Variants in KCNN2 observed in about 807,000 individuals in gnomAD.
The protein encoded by KCNN2 is potassium calcium-activated channel subfamily N member 2.
A neutral mutation model predicts 55.5 loss-of-function variants in KCNN2; 24 were observed. The observed-to-expected ratio is 0.43, with a 90% CI of 0.31 to 0.61. KCNN2 has a LOEUF of 0.61. KCNN2 is among the 20% of genes least tolerant of loss of function. The pLI is 0.08. For missense variants in KCNN2, 754 were observed against 853.6 expected, an observed-to-expected ratio of 0.88 and a Z score of 1.45; for synonymous variants, 431 against 336.1, an observed-to-expected ratio of 1.28 and a Z score of -3.09.
Position 114,266,855 on chromosome 5 carries a change from G to A in KCNN2, c.-185+45290G>A, listed in dbSNP as rs750406284. 2.2e-4 allele frequency among the ~76,000 whole-genome samples: 33 copies of A among 152,100 alleles called. 1 individual carries two copies. Among genetic ancestry groups the A allele is most frequent in the Admixed American group, 2.0e-3 (30 of 15,278 alleles). ...CACCAGCATCTCCTTGTAAAGTTTT[G>A]CAGTTTTTCCTAAGATGTCTTATAT... On this transcript the variant is annotated intron_variant, in intron 2 of 10. Transcript: ENST00000512097.
intron 3 of KCNN2, among the ~76,000 whole-genome samples, chr5:114,427,345 G>A (rs987856509): frequency 7.2e-5 from 11 of 152,224 alleles, no homozygotes; most frequent in African/African-American, 2.4e-4. Context: ...GAAGACAAGG[G>A]AGGAACATTC....
chr5:114,488,283 G>A (rs1471649423), intron 6 of KCNN2, among the ~76,000 whole-genome samples: 1 of 152,082 alleles, frequency 6.6e-6, no homozygotes, highest in African/African-American at 2.4e-5. Context: ...CTGCACGTAT[G>A]GTAGAGTATC....
At chr5:114,090,513 C>G (rs1751115905) in intron 1 of KCNN2, among the ~76,000 whole-genome samples, 1 of 151,576 alleles carries the variant, frequency 6.6e-6, no homozygotes, top group East Asian at 1.9e-4. Flanking sequence ...CTATCTGTTT[C>G]TCTCTCCCTC....
At chr5:114,082,713 G>A (rs984680654) in intron 1 of KCNN2, among the ~76,000 whole-genome samples, 13 of 152,216 alleles carry the variant, frequency 8.5e-5, no homozygotes, top group South Asian at 6.2e-4. Flanking sequence ...AATGTGTTAT[G>A]TGCACACAAT....
chr5:114,134,883 G>T (rs1162950452), intron 1 of KCNN2, among the ~76,000 whole-genome samples: 1 of 152,154 alleles, frequency 6.6e-6, no homozygotes, highest in African/African-American at 2.4e-5. Context: ...ATTCAGGGTA[G>T]CTCTATTCCA....
At chr5:114,259,297 C>G (rs1292106331) in intron 2 of KCNN2, among the ~76,000 whole-genome samples, 1 of 152,180 alleles carries the variant, frequency 6.6e-6, no homozygotes, top group African/African-American at 2.4e-5. Flanking sequence ...CCCTCAGGTC[C>G]CCTGGGTCCA....
In KCNN2 at chr5:114,241,792, A is replaced by ATGTG. The variant is rs1491228527; in HGVS notation, c.-185+20230_-185+20231insGTGT. On this transcript the variant is annotated intron_variant, in intron 2 of 10. Coordinates refer to the KCNN2 transcript ENST00000512097. ...TATATATACATATATACGTATATAT[A>ATGTG]TGTATATATATACGTATATATATAT... Among the ~76,000 whole-genome samples, 6 of 20,972 alleles carry ATGTG rather than the reference A, an allele frequency of 2.9e-4. 1 individual carries two copies. The highest frequency in any genetic ancestry group is 6.3e-4 in the African/African-American group (3 of 4,738). The allele number at this position is 20,972 out of a possible 152,430, so 13.8% of individuals were successfully genotyped here. A position where few individuals can be genotyped will look rare whatever the true frequency, so the allele number is the denominator to read the frequency against.
chr5:114,339,266 C>A (rs1756976086), intron 2 of KCNN2, among the ~76,000 whole-genome samples: 1 of 152,168 alleles, frequency 6.6e-6, no homozygotes, highest in South Asian at 2.1e-4. Flanking sequence ...ACACAGAAAA[C>A]CCCGGCCCCC....
chr5:114,278,924 A>T (rs1252495157), intron 2 of KCNN2, among the ~76,000 whole-genome samples: 1 of 152,124 alleles, frequency 6.6e-6, no homozygotes, highest in Non-Finnish European at 1.5e-5. Flanking sequence ...CTCAGTTGGA[A>T]ATGCAGAAAT....
chr5:114,312,434 CAT>C (rs59964515), intron 2 of KCNN2, among the ~76,000 whole-genome samples: 108 of 23,188 alleles, frequency 4.7e-3, no homozygotes, highest in Middle Eastern at 0.033. Flanking sequence ...CACACACACA[CAT>C]ATATATATAT....
chr5:114,196,228 T>G (rs1420356412), intron 1 of KCNN2, among the ~76,000 whole-genome samples: 1 of 151,966 alleles, frequency 6.6e-6, no homozygotes. Flanking sequence ...TTGGAAATGG[T>G]GTATACTGGT....
chr5:114,164,990 C>T (rs575545080), intron 1 of KCNN2, among the ~76,000 whole-genome samples: 3 of 152,160 alleles, frequency 2.0e-5, no homozygotes, highest in Admixed American at 6.5e-5. Context: ...ACAGATGAGA[C>T]GAGTAAGGCA....
chr5:114,056,445 C>T (rs927696319), exon 1 of KCNN2: 1 of 398,484 alleles, frequency 2.5e-6, no homozygotes, highest in Non-Finnish European at 4.4e-6. Flanking sequence ...CCGCATTTAC[C>T]GCTTTGAGGC....
intron 2 of KCNN2, among the ~76,000 whole-genome samples, chr5:114,312,436 TATATATATA>T: frequency 5.0e-5 from 1 of 19,826 alleles, no homozygotes; most frequent in Middle Eastern, 0.029. Flanking sequence ...CACACACACA[TATATATATA>T]TATATATATA....
intron 1 of KCNN2, among the ~76,000 whole-genome samples, chr5:114,220,845 A>AG (rs1754123407): frequency 6.7e-6 from 1 of 148,578 alleles, no homozygotes; most frequent in Middle Eastern, 3.4e-3. Context: ...AAAAAAAAAA[A>AG]GTTAAAGTCA....
At chr5:114,481,626 G>A (rs1214891707) in intron 5 of KCNN2, among the ~76,000 whole-genome samples, 7 of 152,048 alleles carry the variant, frequency 4.6e-5, no homozygotes, top group Admixed American at 2.0e-4. Flanking sequence ...GAGGCATCAT[G>A]GTACCCAACT....
At chr5:114,064,877 T>G (rs1317207043) in intron 1 of KCNN2, among the ~76,000 whole-genome samples, 1 of 152,150 alleles carries the variant, frequency 6.6e-6, no homozygotes, top group Non-Finnish European at 1.5e-5. Flanking sequence ...TGAACAAAGA[T>G]GTGGTAGCTT....
intron 3 of KCNN2, among the ~76,000 whole-genome samples, chr5:114,432,038 A>G (rs560107708): frequency 6.6e-6 from 1 of 152,346 alleles, no homozygotes; most frequent in East Asian, 1.9e-4. Context: ...AAGAAAGTGT[A>G]TTCTGCTGTT....
At chr5:114,147,355 AG>A (rs1752419904) in intron 1 of KCNN2, among the ~76,000 whole-genome samples, 1 of 152,166 alleles carries the variant, frequency 6.6e-6, no homozygotes. Context: ...TTTTTGACAA[AG>A]GGACCACAAT....
Sources: allele counts gnomAD v4.1 joint callset (sites outside exome capture counted in the v4.1 genomes callset), GRCh38; gene constraint gnomAD v4.1.1; transcripts MANE v1.5; gene names NCBI Gene and HGNC (gene_info 2026-07-23, HGNC 2026-07-21).